Variants in CPLX2 observed in about 807,000 individuals in gnomAD.
CPLX2 encodes the protein complexin-2.
In CPLX2, 5 loss-of-function variants were observed where a neutral mutation model predicts 16.3. The observed-to-expected ratio is 0.31, with a 90% CI of 0.16 to 0.64. The LOEUF (loss-of-function observed/expected upper bound fraction) is 0.64. Ranked by LOEUF, CPLX2 falls within the 30% of genes least tolerant of loss-of-function variation. The pLI is 0.79. For missense variants in CPLX2, 144 were observed against 181.4 expected, an observed-to-expected ratio of 0.79 and a Z score of 1.18; for synonymous variants, 89 against 73.2, an observed-to-expected ratio of 1.22 and a Z score of -1.10.
intron 2 of CPLX2, chr5:175,861,749 C>T (rs918250544): frequency 3.9e-5 from 6 of 152,242 alleles, no homozygotes; most frequent in African/African-American, 1.2e-4. Context: ...CTTTGTTCAG[C>T]TCTCACTGGG....
chr5:175,882,235 G>C lies in CPLX2; in HGVS notation c.*2190G>C, dbSNP rs1338760295. ...ACCCCTGTTGTCTGCTTGTCTCTTT[G>C]TGTCTGTTATCCTGGGCAGGATGGT... On this transcript the variant is annotated 3_prime_UTR_variant, in exon 4 of 4. Transcript: ENST00000393745. 1 of 151,884 alleles carries C rather than the reference G, an allele frequency of 6.6e-6. No homozygotes were observed. The highest frequency in any genetic ancestry group is 2.4e-5 in the African/African-American group (1 of 41,086). 9.4% of individuals were successfully genotyped at this position (151,884 alleles called of 1,614,324 possible).
In CPLX2 at chr5:175,880,030, C is replaced by T; in HGVS notation, c.390C>T (p.Asp130=). 6.2e-7 allele frequency: 1 copy of T among 1,612,886 alleles called. No individual in the cohort carries two copies. Among genetic ancestry groups the T allele is most frequent in the Non-Finnish European group, 8.5e-7 (1 of 1,179,494 alleles). Residue 130 remains aspartate, a synonymous_variant, in exon 4 of 4, where the codon GAC becomes GAT. Transcript: ENST00000393745. ...AATACCTGCCCGGGCCGCTGCAGGA[C>T]ATGTTCAAGAAGTAACCAGGCCTCC... ...VLKYLPGPLQ[D]MFKK
chr5:175,879,655 A>C (rs1193934400), intron 3 of CPLX2, 193 bp from the exon 4 acceptor site: 1 of 702,474 alleles, frequency 1.4e-6, no homozygotes, highest in Non-Finnish European at 2.6e-6. Flanking sequence ...AGGAAACCCC[A>C]CGTATGGTCT....
Position 175,880,350 on chromosome 5 carries a change from C to A in CPLX2, c.*305C>A, listed in dbSNP as rs1415919073. 4.6e-6 allele frequency: 2 copies of A among 433,964 alleles called. No individual in the cohort carries two copies. The highest frequency in any genetic ancestry group is 1.0e-4 in the East Asian group (2 of 19,692). The allele number at this position is 433,964 out of a possible 1,614,324, so 26.9% of individuals were successfully genotyped here. A position where few individuals can be genotyped will look rare whatever the true frequency, so the allele number is the denominator to read the frequency against. Reference sequence around the variant, plus strand: ...TGTGGTGACCCCCATACATTCCTCCCTGCTCCCCACTGCCAGGAGGACCAC... The same window carrying A: ...TGTGGTGACCCCCATACATTCCTCCATGCTCCCCACTGCCAGGAGGACCAC... On this transcript the variant is annotated 3_prime_UTR_variant, in exon 4 of 4. Coordinates refer to ENST00000393745, the MANE Select transcript of CPLX2 (RefSeq NM_001008220.2).
rs371102977 is a variant in CPLX2, at chr5:175,877,338, G to A, written c.-88-1314G>A. On this transcript the variant is annotated intron_variant, in intron 1 of 3. Transcript: ENST00000393745. ...GGCCCCATATCATGAAATAATCTCA[G>A]TCTACCGATATGACTTCTCATCTTG... Among the ~76,000 whole-genome samples, 34 of 151,266 alleles carry A rather than the reference G, an allele frequency of 2.2e-4. 3 individuals are homozygous for A. In the East Asian group the frequency reaches 2.7e-3, roughly 12 times the overall value.
chr5:175,844,753 GTT>G (rs1759010498), intron 2 of CPLX2, among the ~76,000 whole-genome samples: 1 of 152,232 alleles, frequency 6.6e-6, no homozygotes, highest in Non-Finnish European at 1.5e-5. Flanking sequence ...ACGTGAATGA[GTT>G]TTTAAAAGCA....
chr5:175,821,789 C>T (rs1758515095), intron 2 of CPLX2, among the ~76,000 whole-genome samples: 1 of 152,210 alleles, frequency 6.6e-6, no homozygotes, highest in Non-Finnish European at 1.5e-5. Flanking sequence ...CTACCGGGTG[C>T]AGGCATAAGG....
chr5:175,798,186 T>C (rs917806933), intron 1 of CPLX2, among the ~76,000 whole-genome samples: 6 of 150,784 alleles, frequency 4.0e-5, no homozygotes, highest in African/African-American at 1.5e-4. Context: ...CAAGTGACTG[T>C]CTGAGACTAT....
At chr5:175,865,820 T>C (rs1217020700) in intron 2 of CPLX2, among the ~76,000 whole-genome samples, 1 of 152,132 alleles carries the variant, frequency 6.6e-6, no homozygotes, top group Non-Finnish European at 1.5e-5. Flanking sequence ...GTGTCAGAGA[T>C]TTTGGTTTGT....
Position 175,809,976 on chromosome 5 carries a change from T to C in CPLX2, c.-89+908T>C, listed in dbSNP as rs1758282428. On this transcript the variant is annotated intron_variant, in intron 2 of 4. Coordinates refer to the CPLX2 transcript ENST00000359546. This position sits in a 1 kb window ranked among gnomAD's most constrained non-coding sequence, Gnocchi z 4.4. The stretch of plus-strand genomic sequence containing the variant: ...TGCTCATCCAGATGGGAGCTATTTA[T>C]GATGCTGAGTCATTCGCAGAGAATG... Among the ~76,000 whole-genome samples the C allele has an allele frequency of 6.6e-6, 1 of 152,194 alleles. No homozygotes were observed. The highest frequency in any genetic ancestry group is 2.4e-5 in the African/African-American group (1 of 41,446).
At chr5:175,839,243 A>AG (rs1424937587) in intron 2 of CPLX2, among the ~76,000 whole-genome samples, 1 of 152,028 alleles carries the variant, frequency 6.6e-6, no homozygotes. Flanking sequence ...AGAATGATAC[A>AG]ACTTTTATTT....
At chr5:175,844,988 T>C (rs1468410623) in intron 2 of CPLX2, among the ~76,000 whole-genome samples, 1 of 152,196 alleles carries the variant, frequency 6.6e-6, no homozygotes, top group Non-Finnish European at 1.5e-5. Context: ...CTGTGAGCTT[T>C]TGGCTGCCCC....
In CPLX2 at chr5:175,872,205, T is replaced by G; in HGVS notation, c.-89+500T>G. 2 of 151,682 alleles carry G rather than the reference T, an allele frequency of 1.3e-5. No individual in the cohort carries two copies. Among genetic ancestry groups the G allele is most frequent in the Non-Finnish European group, 1.5e-5 (1 of 68,002 alleles). 9.4% of individuals were successfully genotyped at this position (151,682 alleles called of 1,614,324 possible). A position where few individuals can be genotyped will look rare whatever the true frequency, so the allele number is the denominator to read the frequency against. On this transcript the variant is annotated intron_variant, in intron 1 of 3. Coordinates refer to ENST00000393745, the MANE Select transcript of CPLX2 (RefSeq NM_001008220.2). The surrounding 1 kb of genome is among the most constrained non-coding windows in gnomAD (Gnocchi z 5.0). ...GTACAGTGCGCACTCCCGGAGTGAG[T>G]CAGAGGGCGGCGGCAGGGGGGCGGA...
Position 175,865,804 on chromosome 5 carries a change from G to A in CPLX2, c.-88-12848G>A, listed in dbSNP as rs190468274. Among the ~76,000 whole-genome samples, 382 of 152,316 alleles carry A rather than the reference G, an allele frequency of 2.5e-3. 1 individual carries two copies. Among genetic ancestry groups the A allele is most frequent in the African/African-American group, 8.9e-3 (368 of 41,570 alleles). On this transcript the variant is annotated intron_variant, in intron 2 of 4. Transcript: ENST00000359546. ...CTGGGCAAAAGATGCAAATTCCTGG[G>A]CTTCCGTGTCAGAGATTTTGGTTTG...
intron 2 of CPLX2, among the ~76,000 whole-genome samples, chr5:175,864,659 T>C (rs1759432912): frequency 6.6e-6 from 1 of 152,192 alleles, no homozygotes; most frequent in South Asian, 2.1e-4. Flanking sequence ...CTGGAACTTC[T>C]TGTACACCTT....
intron 2 of CPLX2, among the ~76,000 whole-genome samples, chr5:175,831,311 C>T (rs1053641035): frequency 6.6e-6 from 1 of 152,192 alleles, no homozygotes; most frequent in East Asian, 1.9e-4. Context: ...AAGGGGAAAT[C>T]GTAGCTCAGA....
intron 1 of CPLX2, chr5:175,796,797 C>A (rs1423276056): frequency 6.6e-6 from 1 of 152,218 alleles, no homozygotes; most frequent in African/African-American, 2.4e-5. Flanking sequence ...TCGTAGAACG[C>A]GCGCTCGCTC....
rs1758054292 is a variant in CPLX2, at chr5:175,799,572, A to G, written c.-169+2788A>G. Among the ~76,000 whole-genome samples the G allele has an allele frequency of 2.1e-5, 3 of 142,922 alleles. No individual in the cohort carries two copies. In the South Asian group the frequency reaches 6.6e-4, roughly 31 times the overall value. 93.8% of individuals were successfully genotyped at this position (142,922 alleles called of 152,430 possible). ...TATATATATATATATATATATATAT[A>G]TATAGTAATCACAGCTTACTGTATC... On this transcript the variant is annotated intron_variant, in intron 1 of 4. Transcript: ENST00000359546.
chr5:175,823,467 G>GATGA (rs1459191799), intron 2 of CPLX2, among the ~76,000 whole-genome samples: 1 of 152,228 alleles, frequency 6.6e-6, no homozygotes, highest in East Asian at 1.9e-4. Context: ...TAGATGGATG[G>GATGA]ATGAATGGTT....
Sources: gnomAD v4.1 joint callset for allele counts (sites outside exome capture counted in the v4.1 genomes callset) on GRCh38, gnomAD v4.1.1 for gene constraint, Gnocchi (gnomAD v3.1) non-coding constraint, MANE v1.5 for transcripts, NCBI Gene and HGNC (gene_info 2026-07-23, HGNC 2026-07-21) for gene names.